LRRC4C: variants seen among roughly 807,000 people sequenced by gnomAD.
LRRC4C encodes the protein leucine rich repeat containing 4C.
In LRRC4C, 5 loss-of-function variants were observed where a neutral mutation model predicts 33.6. The ratio of observed to expected loss-of-function variants is 0.15; its 90% CI spans 0.08 to 0.31. The LOEUF is 0.31. Among genes scored for constraint, LRRC4C ranks in the 10% least tolerant of loss-of-function variants. The pLI is 1.00. For missense variants in LRRC4C, 560 were observed against 796.7 expected (o/e 0.70, Z 3.58); for synonymous variants, 329 against 302.0 (o/e 1.09, Z -0.93).
intron 2 of LRRC4C, among the ~76,000 whole-genome samples, chr11:40,877,763 AAAC>A (rs1045281578): frequency 1.4e-4 from 21 of 152,190 alleles, no homozygotes; most frequent in African/African-American, 2.4e-4. Context: ...GTTCACATTA[AAAC>A]AACAACAACA....
intron 1 of LRRC4C, among the ~76,000 whole-genome samples, chr11:41,456,336 C>A (rs528511196): frequency 9.3e-4 from 142 of 152,146 alleles, no homozygotes; most frequent in Non-Finnish European, 1.7e-3. Context: ...TCCAAAAGCT[C>A]CTCTCTGCTC....
At chr11:40,481,706 C>A (rs975931454) in intron 3 of LRRC4C, among the ~76,000 whole-genome samples, 1 of 152,086 alleles carries the variant, frequency 6.6e-6, no homozygotes, top group African/African-American at 2.4e-5. Flanking sequence ...TAAAGCAAGA[C>A]TGATACTTTT....
At chr11:40,480,091 A>G (rs578150646) in intron 3 of LRRC4C, among the ~76,000 whole-genome samples, 1 of 152,284 alleles carries the variant, frequency 6.6e-6, no homozygotes, top group South Asian at 2.1e-4. Flanking sequence ...AAGTACCATA[A>G]GGAAAGCCAC....
At chr11:41,253,521 G>C (rs1591070735) in intron 1 of LRRC4C, among the ~76,000 whole-genome samples, 2 of 152,104 alleles carry the variant, frequency 1.3e-5, no homozygotes, top group East Asian at 3.9e-4. Flanking sequence ...CATTTTACAA[G>C]AACCACTGTG....
At chr11:40,763,261 C>T (rs371121552) in intron 2 of LRRC4C, among the ~76,000 whole-genome samples, 4 of 151,896 alleles carry the variant, frequency 2.6e-5, no homozygotes, top group Admixed American at 6.6e-5. Context: ...ATATTTAAAT[C>T]CATCCCATCT....
chr11:41,231,317 G>T (rs145552881), intron 1 of LRRC4C, among the ~76,000 whole-genome samples: 1 of 151,948 alleles, frequency 6.6e-6, no homozygotes. Flanking sequence ...ATACACACAC[G>T]TATGTTTATT....
chr11:41,236,315 C>T (rs756563555), intron 1 of LRRC4C, among the ~76,000 whole-genome samples: 1 of 152,034 alleles, frequency 6.6e-6, no homozygotes, highest in African/African-American at 2.4e-5. Context: ...GGTTCAACCA[C>T]TTTTTGTTTA....
At chr11:40,560,442 TTGTGTGTGTG>T (rs66917448) in intron 3 of LRRC4C, among the ~76,000 whole-genome samples, 15 of 149,316 alleles carry the variant, frequency 1.0e-4, no homozygotes, top group Non-Finnish European at 1.6e-4. Flanking sequence ...GTGCCTGTGT[TTGTGTGTGTG>T]TGTGTGTGTG....
At chr11:40,168,700 G>A (rs576870837) in intron 5 of LRRC4C, among the ~76,000 whole-genome samples, 1 of 152,306 alleles carries the variant, frequency 6.6e-6, no homozygotes, top group African/African-American at 2.4e-5. Context: ...GACTCATGTG[G>A]TGTGAAAACA....
chr11:40,795,493 G>A (rs2135213616), intron 2 of LRRC4C, among the ~76,000 whole-genome samples: 1 of 152,270 alleles, frequency 6.6e-6, no homozygotes, highest in East Asian at 1.9e-4. Context: ...TCATGCCACT[G>A]CACTCCAGCC....
intron 1 of LRRC4C, among the ~76,000 whole-genome samples, chr11:41,021,564 G>A (rs753077931): frequency 8.5e-5 from 13 of 152,086 alleles, no homozygotes; most frequent in South Asian, 2.1e-4. Flanking sequence ...ACTTTATAAC[G>A]TTCAAATCTA....
At chr11:41,165,022 T>C (rs1944656218) in intron 1 of LRRC4C, among the ~76,000 whole-genome samples, 1 of 152,154 alleles carries the variant, frequency 6.6e-6, no homozygotes, top group African/African-American at 2.4e-5. Context: ...GCGCAAATGC[T>C]AAACCATCAC....
intron 4 of LRRC4C, among the ~76,000 whole-genome samples, chr11:40,284,921 C>T (rs970995279): frequency 1.3e-5 from 2 of 152,058 alleles, no homozygotes; most frequent in Admixed American, 6.6e-5. Context: ...TAATTAAGTG[C>T]GATCTTGCTG....
chr11:40,740,849 A>C (rs1186468177), intron 2 of LRRC4C, among the ~76,000 whole-genome samples: 4 of 152,020 alleles, frequency 2.6e-5, no homozygotes, highest in African/African-American at 9.7e-5. Flanking sequence ...TCCACATGTG[A>C]ATAACCAATT....
intron 1 of LRRC4C, among the ~76,000 whole-genome samples, chr11:41,113,248 A>T (rs1028618955): frequency 6.6e-6 from 1 of 152,054 alleles, no homozygotes; most frequent in African/African-American, 2.4e-5. Context: ...ATGAGCAAAA[A>T]TGTCAATTGC....
chr11:41,424,951 T>A (rs927114372), intron 1 of LRRC4C, among the ~76,000 whole-genome samples: 1 of 152,060 alleles, frequency 6.6e-6, no homozygotes, highest in African/African-American at 2.4e-5. Flanking sequence ...CCAAATATAG[T>A]ATTAAACATT....
intron 1 of LRRC4C, among the ~76,000 whole-genome samples, chr11:41,251,595 G>T (rs1393025815): frequency 6.6e-6 from 1 of 152,144 alleles, no homozygotes; most frequent in Non-Finnish European, 1.5e-5. Flanking sequence ...GGCCAAATGT[G>T]CATGATCACA....
At chr11:40,996,527 G>T (rs2137317348) in intron 1 of LRRC4C, among the ~76,000 whole-genome samples, 1 of 152,220 alleles carries the variant, frequency 6.6e-6, no homozygotes, top group Non-Finnish European at 1.5e-5. Context: ...ATAATTGATG[G>T]TACTATTCCT....
chr11:41,002,466 C>A (rs919933408), intron 1 of LRRC4C, among the ~76,000 whole-genome samples: 2 of 152,060 alleles, frequency 1.3e-5, no homozygotes, highest in African/African-American at 2.4e-5. Flanking sequence ...TAAGAAGAGG[C>A]TGTGTTTCTG....
Sources: allele counts gnomAD v4.1 joint callset (sites outside exome capture counted in the v4.1 genomes callset), GRCh38; gene constraint gnomAD v4.1.1; transcripts MANE v1.5; gene names NCBI Gene and HGNC (gene_info 2026-07-23, HGNC 2026-07-21).